The following ATXN1 variants were observed in gnomAD, a reference collection of about 807,000 sequenced individuals.
The protein encoded by ATXN1 is ataxin-1.
Under a neutral mutation model 56.4 loss-of-function variants are expected in ATXN1, and 8 were observed. The ratio of observed to expected loss-of-function variants is 0.14; its 90% CI spans 0.08 to 0.26. The LOEUF (loss-of-function observed/expected upper bound fraction) is 0.26. Ranked by LOEUF, ATXN1 falls within the 10% of genes least tolerant of loss-of-function variation. The pLI, the probability that ATXN1 is intolerant of heterozygous loss-of-function variation, is 1.00. For missense variants in ATXN1, 987 were observed against 1,106.5 expected, an observed-to-expected ratio of 0.89 and a Z score of 1.53; for synonymous variants, 514 against 494.6, an observed-to-expected ratio of 1.04 and a Z score of -0.52.
In ATXN1 at chr6:16,364,896, C is replaced by G. The variant is rs111432136; in HGVS notation, c.-160-36426G>C. On this transcript the variant is annotated intron_variant, in intron 6 of 7. Transcript: ENST00000436367. Reference sequence around the variant, plus strand: ...TTGTCTCCTTCAAGGAGCTTCCAGTCCACAAGGGGCTAACAGGGAAATGAG... The same window carrying G: ...TTGTCTCCTTCAAGGAGCTTCCAGTGCACAAGGGGCTAACAGGGAAATGAG... Among the ~76,000 whole-genome samples, 389 of 152,276 alleles carry G rather than the reference C, an allele frequency of 2.6e-3. 6 individuals carry two copies. Among genetic ancestry groups the G allele is most frequent in the African/African-American group, 8.6e-3 (356 of 41,560 alleles).
intron 2 of ATXN1, among the ~76,000 whole-genome samples, chr6:16,723,512 A>G (rs1053655476): frequency 6.6e-6 from 1 of 152,186 alleles, no homozygotes; most frequent in Non-Finnish European, 1.5e-5. Flanking sequence ...ATCATGTTCT[A>G]TATCACCCCT....
At chr6:16,683,824 C>T (rs1034894374) in intron 2 of ATXN1, among the ~76,000 whole-genome samples, 3 of 152,194 alleles carry the variant, frequency 2.0e-5, no homozygotes, top group African/African-American at 7.2e-5. Context: ...ACTTTCCCTT[C>T]TTCCTCTATT....
At chr6:16,646,989 T>G (rs1231581744) in intron 3 of ATXN1, among the ~76,000 whole-genome samples, 2 of 152,032 alleles carry the variant, frequency 1.3e-5, no homozygotes, top group African/African-American at 2.4e-5. Context: ...ATTTAGGTTT[T>G]TTTGTTTGTT....
chr6:16,554,664 G>C (rs1323534039), intron 4 of ATXN1, among the ~76,000 whole-genome samples: 1 of 151,980 alleles, frequency 6.6e-6, no homozygotes, highest in Non-Finnish European at 1.5e-5. Flanking sequence ...ATGTTGGCCA[G>C]GCTAGTCTCG....
intron 3 of ATXN1, among the ~76,000 whole-genome samples, chr6:16,601,075 C>T (rs2113780194): frequency 6.6e-6 from 1 of 152,266 alleles, no homozygotes; most frequent in South Asian, 2.1e-4. Flanking sequence ...GTCAAAAAAA[C>T]GAAGGACCCC....
chr6:16,619,888 A>G (rs1293494997), intron 3 of ATXN1, among the ~76,000 whole-genome samples: 4 of 151,044 alleles, frequency 2.6e-5, no homozygotes, highest in Non-Finnish European at 5.9e-5. Flanking sequence ...AAGGGAAAAA[A>G]AAAAAGAAAA....
rs75676584 is a variant in ATXN1, at chr6:16,414,101, T to C, written c.-161+71871A>G. On this transcript the variant is annotated intron_variant, in intron 6 of 7. Transcript: ENST00000436367. ...TTAAAATGTGACACGGCAGTGATTA[T>C]ATACTTAGAGGTATCGATAGGTCCT... Among the ~76,000 whole-genome samples, 3 of 152,350 alleles carry C rather than the reference T, an allele frequency of 2.0e-5. No homozygotes were observed. In the East Asian group the frequency reaches 5.8e-4, roughly 29 times the overall value.
At chr6:16,570,725 C>A (rs1161382625) in intron 4 of ATXN1, among the ~76,000 whole-genome samples, 1 of 152,150 alleles carries the variant, frequency 6.6e-6, no homozygotes, top group Non-Finnish European at 1.5e-5. Flanking sequence ...CCATTCCCCA[C>A]GCCTAACTCT....
chr6:16,609,924 C>T (rs563655558), intron 3 of ATXN1, among the ~76,000 whole-genome samples: 1 of 151,958 alleles, frequency 6.6e-6, no homozygotes, highest in African/African-American at 2.4e-5. Flanking sequence ...AAAAGAAACA[C>T]CAACTTACAA....
chr6:16,648,882 A>G (rs749188432), intron 3 of ATXN1, among the ~76,000 whole-genome samples: 1 of 152,154 alleles, frequency 6.6e-6, no homozygotes, highest in Admixed American at 6.5e-5. Flanking sequence ...ACAAATCTCA[A>G]ACTGAAATTC....
At chr6:16,622,399 A>G (rs928088740) in intron 3 of ATXN1, among the ~76,000 whole-genome samples, 1 of 152,166 alleles carries the variant, frequency 6.6e-6, no homozygotes, top group Non-Finnish European at 1.5e-5. Flanking sequence ...TGGTGGTCTC[A>G]TAACGATAAC....
chr6:16,734,122 G>A (rs1318741030), intron 2 of ATXN1, among the ~76,000 whole-genome samples: 1 of 152,204 alleles, frequency 6.6e-6, no homozygotes, highest in Admixed American at 6.5e-5. Flanking sequence ...AGACTATAGA[G>A]TTAAGATTTG....
At chr6:16,647,715 A>G (rs1763824029) in intron 3 of ATXN1, among the ~76,000 whole-genome samples, 1 of 152,276 alleles carries the variant, frequency 6.6e-6, no homozygotes, top group African/African-American at 2.4e-5. Context: ...ACATTTCACA[A>G]TATATATGTA....
At chr6:16,517,435 C>T (rs993125794) in intron 5 of ATXN1, among the ~76,000 whole-genome samples, 6 of 152,086 alleles carry the variant, frequency 3.9e-5, no homozygotes, top group African/African-American at 1.4e-4. Context: ...GAGAATTACA[C>T]AAGTTAATAT....
At chr6:16,330,491 G>C (rs1233079748) in intron 6 of ATXN1, among the ~76,000 whole-genome samples, 2 of 147,538 alleles carry the variant, frequency 1.4e-5, no homozygotes, top group African/African-American at 2.5e-5. Context: ...CTGGGCTCAA[G>C]TGATCCTCCC....
At chr6:16,550,987 G>T (rs1295504306) in intron 4 of ATXN1, among the ~76,000 whole-genome samples, 1 of 152,198 alleles carries the variant, frequency 6.6e-6, no homozygotes, top group Non-Finnish European at 1.5e-5. Context: ...CTAATGAGTT[G>T]ACAGTGGACC....
chr6:16,347,056 A>G (rs1357500987), intron 6 of ATXN1, among the ~76,000 whole-genome samples: 1 of 152,240 alleles, frequency 6.6e-6, no homozygotes, highest in African/African-American at 2.4e-5. Context: ...ATTTCTCGCC[A>G]GGCCTTAGCT....
rs1399449862 is a variant in ATXN1, at chr6:16,328,534, A to C, written c.-160-64T>G. 2.6e-6 allele frequency: 2 copies of C among 754,998 alleles called. No individual in the cohort carries two copies. The highest frequency in any genetic ancestry group is 3.7e-6 in the Non-Finnish European group (2 of 538,610). 46.8% of individuals were successfully genotyped at this position (754,998 alleles called of 1,614,324 possible). On this transcript the variant is annotated intron_variant, in intron 6 of 7. Transcript: ENST00000436367. This position sits in a 1 kb window ranked among gnomAD's most constrained non-coding sequence, Gnocchi z 6.2. ...AAGGGAGGAGAAAGGGAAGGAGGGA[A>C]AGGACATCAGAACATGAGCACCGGG... is the stretch of plus-strand genomic sequence containing the variant.
intron 6 of ATXN1, among the ~76,000 whole-genome samples, chr6:16,446,717 T>C (rs1759643644): frequency 6.6e-6 from 1 of 152,246 alleles, no homozygotes. Context: ...TCACATGTTG[T>C]TGTTTCATTT....
Sources: gnomAD v4.1 joint callset for allele counts (sites outside exome capture counted in the v4.1 genomes callset) on GRCh38, gnomAD v4.1.1 for gene constraint, Gnocchi (gnomAD v3.1) non-coding constraint, MANE v1.5 for transcripts, NCBI Gene and HGNC (gene_info 2026-07-23, HGNC 2026-07-21) for gene names.